BRINP1: variants seen among roughly 807,000 people sequenced by gnomAD.
The protein encoded by BRINP1 is BMP/retinoic acid inducible neural specific 1.
BRINP1 carries 17 observed loss-of-function variants against 72.9 expected under a neutral mutation model. The ratio of observed to expected loss-of-function variants is 0.23; its 90% CI spans 0.16 to 0.35. The LOEUF (loss-of-function observed/expected upper bound fraction) is 0.35. Ranked by LOEUF, BRINP1 falls within the 10% of genes least tolerant of loss-of-function variation. The pLI, the probability that BRINP1 is intolerant of heterozygous loss-of-function variation, is 1.00. For missense variants in BRINP1, 850 were observed against 1,001.6 expected, an observed-to-expected ratio of 0.85 and a Z score of 2.04; for synonymous variants, 418 against 378.5, an observed-to-expected ratio of 1.10 and a Z score of -1.21.
At position 119,244,484 on chromosome 9, in the gene BRINP1, ATAGAT is replaced by A. The variant is rs1425408299; in HGVS notation, c.410-2273_410-2269del. Reference sequence around the variant, plus strand: ...AGTTGATGGATAAGTAGATAGATAGATAGATGAGTGGATGGGTGTATAGATGAACA... The same window carrying A: ...AGTTGATGGATAAGTAGATAGATAGAGAGTGGATGGGTGTATAGATGAACA... On this transcript the variant is annotated intron_variant, in intron 3 of 7. Transcript: ENST00000265922. 2.6e-5 allele frequency among the ~76,000 whole-genome samples: 4 copies of A among 152,302 alleles called. No individual in the cohort carries two copies. The East Asian group carries it at 7.7e-4, about 29-fold the overall frequency.
chr9:119,218,660 C>T (rs1046324879), intron 5 of BRINP1, among the ~76,000 whole-genome samples: 5 of 151,802 alleles, frequency 3.3e-5, no homozygotes, highest in African/African-American at 7.2e-5. Flanking sequence ...CTGACACACT[C>T]GAGGGTGACC....
chr9:119,213,862 C>A, intron 6 of BRINP1, 57 bp downstream of exon 6: 1 of 1,451,522 alleles, frequency 6.9e-7, no homozygotes, highest in African/African-American at 1.4e-5. Flanking sequence ...TAGATTAGCT[C>A]CCTTTCAGAC....
chr9:119,220,155 A>C (rs1444876218), intron 5 of BRINP1, among the ~76,000 whole-genome samples: 1 of 152,188 alleles, frequency 6.6e-6, no homozygotes, highest in African/African-American at 2.4e-5. Flanking sequence ...TAGTACAAGA[A>C]AGATCTTTAT....
chr9:119,280,404 A>AT (rs547288880), intron 2 of BRINP1, among the ~76,000 whole-genome samples: 2,874 of 142,048 alleles, frequency 0.02, 65 homozygotes, highest in African/African-American at 0.058. Flanking sequence ...ACACCCAGCT[A>AT]TTTTTTTTTT....
chr9:119,312,971 A>C (rs181415413), intron 2 of BRINP1, among the ~76,000 whole-genome samples, 167 bp downstream of exon 2: 1 of 152,316 alleles, frequency 6.6e-6, no homozygotes, highest in East Asian at 1.9e-4. Flanking sequence ...TGTCATTGTT[A>C]ATCTCTTGTG....
Position 119,369,093 on chromosome 9 carries a change from A to C in BRINP1, c.-88T>G, listed in dbSNP as rs2065398. ...TCCGTCTTTGGCGGAGAGCTGCGGG[A>C]GGACGCTTTTTATTCGGCTCGGTGG... On this transcript the variant is annotated 5_prime_UTR_variant, in exon 1 of 8. Transcript: ENST00000265922. The C allele has an allele frequency of 0.97, 385,793 of 397,904 alleles. 188,076 individuals carry two copies. Among genetic ancestry groups the C allele is most frequent in the East Asian group, 1 (27,976 of 27,976 alleles). The allele number at this position is 397,904 out of a possible 1,614,324, so 24.6% of individuals were successfully genotyped here. A position where few individuals can be genotyped will look rare whatever the true frequency, so the allele number is the denominator to read the frequency against.
At chr9:119,168,787 C>T (rs888002819) in intron 7 of BRINP1, among the ~76,000 whole-genome samples, 1 of 152,092 alleles carries the variant, frequency 6.6e-6, no homozygotes, top group Non-Finnish European at 1.5e-5. Flanking sequence ...TTACATGATC[C>T]TCATGGTGGT....
At chr9:119,318,886 C>A (rs1047391110) in intron 1 of BRINP1, among the ~76,000 whole-genome samples, 1 of 120,130 alleles carries the variant, frequency 8.3e-6, no homozygotes, top group Non-Finnish European at 1.7e-5. Context: ...TGTGTGTGTG[C>A]AGGAGAGTGA....
intron 7 of BRINP1, among the ~76,000 whole-genome samples, chr9:119,198,681 T>A (rs34793288): frequency 0.27 from 40,473 of 151,872 alleles, 6,681 homozygotes; most frequent in East Asian, 0.55. Context: ...AATTTTTTTT[T>A]TTTTTTTTGA....
rs535814644 is a variant in BRINP1, at chr9:119,213,948, G to T, written c.893C>A (p.Ala298Asp). The change falls in exon 6 of 8, where the codon GCC becomes GAC. Residue 298 changes from alanine to aspartate, a missense_variant. Physicochemically the swap from Ala to Asp is moderately radical, Grantham distance 126. Transcript: ENST00000265922. ...ATTCTCCAGGTCCTTATAAGCTTCG[G>T]CCCAAGACTTGGCCATGTTGGCCAG... is the stretch of plus-strand genomic sequence containing the variant. ...YTLANMAKSW[A>D]EAYKDLENSD... 4 of 1,614,112 alleles carry T rather than the reference G, an allele frequency of 2.5e-6. No homozygotes were observed. The South Asian group carries it at 4.4e-5, about 18-fold the overall frequency.
chr9:119,303,350 C>T (rs1830961043), intron 2 of BRINP1, among the ~76,000 whole-genome samples: 1 of 143,474 alleles, frequency 7.0e-6, no homozygotes, highest in East Asian at 2.1e-4. Context: ...CTGCTGATTG[C>T]CATGGATGTT....
At chr9:119,241,873 T>C (rs1461914916) in intron 4 of BRINP1, among the ~76,000 whole-genome samples, 174 bp downstream of exon 4, 19 of 152,330 alleles carry the variant, frequency 1.2e-4, no homozygotes, top group Admixed American at 8.5e-4. Flanking sequence ...ACAGTGCACA[T>C]TGATATTAAT....
intron 1 of BRINP1, among the ~76,000 whole-genome samples, chr9:119,355,317 G>A (rs1424984119): frequency 2.0e-5 from 3 of 152,128 alleles, no homozygotes; most frequent in Admixed American, 6.6e-5. Flanking sequence ...TGTCATAAGT[G>A]CCATTTATTG....
In BRINP1 at chr9:119,346,401, T is replaced by C. The variant is rs556350309; in HGVS notation, c.-51+22655A>G. Among the ~76,000 whole-genome samples, 5 of 152,312 alleles carry C rather than the reference T, an allele frequency of 3.3e-5. No homozygotes were observed. In the South Asian group the frequency reaches 1.0e-3, roughly 32 times the overall value. On this transcript the variant is annotated intron_variant, in intron 1 of 7. Transcript: ENST00000265922. Reference sequence around the variant, plus strand: ...ATGTGAAATTATCAACATTTTCTAGTTCTAGGAAAGGTTATTTAACAAAAC... The same window carrying C: ...ATGTGAAATTATCAACATTTTCTAGCTCTAGGAAAGGTTATTTAACAAAAC...
chr9:119,338,829 G>A (rs1831378647), intron 1 of BRINP1, among the ~76,000 whole-genome samples: 1 of 149,268 alleles, frequency 6.7e-6, no homozygotes, highest in East Asian at 2.0e-4. Context: ...AGCTTGCAGT[G>A]AGCCGAGATC....
At chr9:119,206,850 A>G (rs1197132992) in intron 7 of BRINP1, among the ~76,000 whole-genome samples, 2 of 152,206 alleles carry the variant, frequency 1.3e-5, no homozygotes, top group Non-Finnish European at 2.9e-5. Flanking sequence ...TCGTGGTAGC[A>G]GTCTGAGCAT....
rs187522516 is a variant in BRINP1, at chr9:119,222,597, C to A, written c.686-8442G>T. Among the ~76,000 whole-genome samples, 83 of 142,224 alleles carry A rather than the reference C, an allele frequency of 5.8e-4. 1 individual carries two copies. The Middle Eastern group carries it at 0.022, about 38-fold the overall frequency. The allele number at this position is 142,224 out of a possible 152,430, so 93.3% of individuals were successfully genotyped here. Reference sequence around the variant, plus strand: ...GCATCCATCATGTGCAGACACTGTTCTAGGTTCTAGAGAAAAGACAAGGAA... The same window carrying A: ...GCATCCATCATGTGCAGACACTGTTATAGGTTCTAGAGAAAAGACAAGGAA... On this transcript the variant is annotated intron_variant, in intron 5 of 7. Transcript: ENST00000265922.
chr9:119,190,477 C>A (rs1205737817), intron 7 of BRINP1, among the ~76,000 whole-genome samples: 2 of 149,938 alleles, frequency 1.3e-5, no homozygotes, highest in African/African-American at 4.9e-5. Flanking sequence ...GACACTACAA[C>A]AGATGTCTCA....
intron 1 of BRINP1, among the ~76,000 whole-genome samples, chr9:119,355,556 A>G (rs565641724): frequency 3.2e-4 from 49 of 152,036 alleles, no homozygotes; most frequent in Non-Finnish European, 5.7e-4. Context: ...GTAAAACCCC[A>G]TCTCTAATAA....
Sources: allele counts gnomAD v4.1 joint callset (sites outside exome capture counted in the v4.1 genomes callset), GRCh38; gene constraint gnomAD v4.1.1; transcripts MANE v1.5; gene names NCBI Gene and HGNC (gene_info 2026-07-23, HGNC 2026-07-21).